The following ATP7B variants were observed in gnomAD, a reference collection of about 807,000 sequenced individuals.
ATP7B encodes the protein ATPase copper transporting beta, also known as copper-transporting ATPase 2.
ATP7B carries 113 observed loss-of-function variants against 118.9 expected under a neutral mutation model. That is an observed-to-expected ratio of 0.95 (90% CI 0.82 to 1.11). The LOEUF is 1.11. Among genes scored for constraint, ATP7B ranks in the 50% most tolerant of loss-of-function variants. ATP7B has a pLI of 0.00. For synonymous variants in ATP7B, 777 were observed against 727.4 expected, an observed-to-expected ratio of 1.07 and a Z score of -1.10; for missense variants, 1,867 against 1,871.4, an observed-to-expected ratio of 1.00 and a Z score of 0.04.
intron 13 of ATP7B, among the ~76,000 whole-genome samples, chr13:51,944,630 G>A (rs1396087995): frequency 6.6e-6 from 1 of 152,130 alleles, no homozygotes; most frequent in African/African-American, 2.4e-5. Context: ...CAGGAGTCAG[G>A]ACCCTGAGGG....
intron 17 of ATP7B, among the ~76,000 whole-genome samples, chr13:51,938,586 T>C (rs753464748): frequency 2.6e-5 from 4 of 152,216 alleles, no homozygotes; most frequent in Non-Finnish European, 4.4e-5. Flanking sequence ...GAGCCGCTGC[T>C]GTGTGAGAAG....
chr13:52,003,692 T>C (rs1002079957), intron 1 of ATP7B, among the ~76,000 whole-genome samples: 2 of 151,116 alleles, frequency 1.3e-5, no homozygotes, highest in African/African-American at 2.4e-5. Context: ...CTGTCACAAG[T>C]AGGCAGTGAC....
rs1011361346 is a variant in ATP7B, at chr13:51,948,167, T to A, written c.2865+1495A>T. 1.1e-4 allele frequency among the ~76,000 whole-genome samples: 17 copies of A among 152,296 alleles called. No homozygotes were observed. The East Asian group carries it at 3.3e-3, about 29-fold the overall frequency. On this transcript the variant is annotated intron_variant, in intron 12 of 20. Coordinates refer to ENST00000242839, the MANE Select transcript of ATP7B (RefSeq NM_000053.4). ...TGGGAAATTTGAGGGAGAAAATACA[T>A]CCTAGTAAATGACATGTGTCCTGAG...
In ATP7B at chr13:51,942,510, T is replaced by C; in HGVS notation, c.3288A>G (p.Ala1096=). 6.2e-7 allele frequency: 1 copy of C among 1,614,204 alleles called. No homozygotes were observed. The highest frequency in any genetic ancestry group is 2.2e-5 in the East Asian group (1 of 44,882). ...TGCACCCAATTCCACAGCCTGGCAC[T>C]GCCTGGAAGTCCGTGCAGTATCCCA... ...ETLGYCTDFQ[A]VPGCGIGCKV... The change falls in exon 15 of 21, where the codon GCA becomes GCG. Residue 1096 remains alanine (A), a synonymous_variant. Transcript: ENST00000242839.
intron 9 of ATP7B, among the ~76,000 whole-genome samples, chr13:51,955,405 G>A (rs1566521056): frequency 6.6e-6 from 1 of 152,200 alleles, no homozygotes; most frequent in Non-Finnish European, 1.5e-5. Flanking sequence ...CCCAAACAGT[G>A]AGCCAAAGGC....
intron 5 of ATP7B, 130 bp from the exon 6 acceptor site, chr13:51,962,043 G>C (rs935864053): frequency 2.2e-5 from 16 of 732,844 alleles, no homozygotes; most frequent in Non-Finnish European, 3.2e-5. Context: ...AGACTTTGTG[G>C]GTTTTCTGCT....
At position 52,011,446 on chromosome 13, in the gene ATP7B, G is replaced by C. The variant is rs1178520010; in HGVS notation, c.-109C>G. ...AGTCCCGGGAGAGGAGGCGCAGAGT[G>C]TGAGGGCATCGGCGCGGCTCGGCTC... On this transcript the variant is annotated 5_prime_UTR_variant, in exon 1 of 21. Coordinates refer to ENST00000242839, the MANE Select transcript of ATP7B (RefSeq NM_000053.4). 1.1e-5 allele frequency: 16 copies of C among 1,451,198 alleles called. No individual in the cohort carries two copies. The highest frequency in any genetic ancestry group is 1.4e-5 in the Non-Finnish European group (15 of 1,046,526). The allele number at this position is 1,451,198 out of a possible 1,614,324, so 89.9% of individuals were successfully genotyped here. A position where few individuals can be genotyped will look rare whatever the true frequency, so the allele number is the denominator to read the frequency against.
At chr13:51,977,504 T>C (rs1215519979) in intron 1 of ATP7B, among the ~76,000 whole-genome samples, 1 of 152,214 alleles carries the variant, frequency 6.6e-6, no homozygotes, top group African/African-American at 2.4e-5. Context: ...ATAACAGGCA[T>C]GGAGCTGTCA....
intron 1 of ATP7B, chr13:51,995,300 G>A: frequency 1.0e-6 from 1 of 985,292 alleles, no homozygotes; most frequent in Non-Finnish European, 1.2e-6. Flanking sequence ...TAGCCCATCT[G>A]CAATTGCACT....
At chr13:51,993,999 A>G (rs1364975663) in intron 1 of ATP7B, among the ~76,000 whole-genome samples, 1 of 152,226 alleles carries the variant, frequency 6.6e-6, no homozygotes, top group Middle Eastern at 3.2e-3. Flanking sequence ...CACACGTCAT[A>G]TCTCAAAACT....
intron 9 of ATP7B, among the ~76,000 whole-genome samples, chr13:51,955,621 C>T (rs1958287171): frequency 6.6e-6 from 1 of 152,216 alleles, no homozygotes; most frequent in Non-Finnish European, 1.5e-5. Context: ...TAGTTCCAAG[C>T]AACTGCAGTC....
intron 3 of ATP7B, among the ~76,000 whole-genome samples, chr13:51,968,861 T>C (rs554346894): frequency 7.3e-6 from 1 of 136,784 alleles, no homozygotes; most frequent in South Asian, 2.3e-4. Context: ...TTTTTCTTTT[T>C]TCTTTTTTTT....
At chr13:51,983,822 G>C (rs141699506) in intron 1 of ATP7B, among the ~76,000 whole-genome samples, 4 of 152,288 alleles carry the variant, frequency 2.6e-5, no homozygotes, top group African/African-American at 9.6e-5. Flanking sequence ...AGAGGGACCT[G>C]ACTGTTAGAA....
Position 51,941,220 on chromosome 13 carries a change from T to G in ATP7B, c.3417A>C (p.Ala1139=), listed in dbSNP as rs769949202. The G allele has an allele frequency of 8.7e-6, 14 of 1,614,024 alleles. No homozygotes were observed. Among genetic ancestry groups the G allele is most frequent in the Non-Finnish European group, 1.2e-5 (14 of 1,180,016 alleles). The change falls in exon 16 of 21, where the codon GCA becomes GCC. Residue 1139 remains alanine, a synonymous_variant. Transcript: ENST00000242839. ...TCAGCACAGAGAAGGTCTGGGGGACTGCATCTATTCAAAAGAGGCTGTGGT... is the reference window on the plus strand; with the variant it reads ...TCAGCACAGAGAAGGTCTGGGGGACGGCATCTATTCAAAAGAGGCTGTGGT... ...EAGSLPAEKD[A]VPQTFSVLIG... is the part of the protein sequence containing the mutation.
At chr13:51,950,435 T>G in intron 9 of ATP7B, 36 bp from the exon 10 acceptor site, 1 of 1,612,442 alleles carries the variant, frequency 6.2e-7, no homozygotes, top group Non-Finnish European at 8.5e-7. Context: ...ACATGGCCAC[T>G]CATTCGGTCA....
In ATP7B at chr13:51,974,840, T is replaced by C; in HGVS notation, c.380A>G (p.Glu127Gly). 6.2e-7 allele frequency: 1 copy of C among 1,614,192 alleles called. No individual in the cohort carries two copies. Among genetic ancestry groups the C allele is most frequent in the South Asian group, 1.1e-5 (1 of 91,084 alleles). Residue 127 changes from glutamate to glycine, a missense_variant, in exon 2 of 21, where the codon GAA (glutamate) becomes GGA (glycine). Physicochemically the swap from Glu to Gly is moderately conservative, Grantham distance 98. Transcript: ENST00000242839. ...GDMGFEASIA[E>G]GKAASWPSRS... is the part of the protein sequence containing the mutation. ...TGAGGGCCAGGAGGCTGCCTTTCCT[T>C]CTGCAATGCTGGCCTCGAAGCCCAT...
At chr13:51,975,993 A>G (rs1390874935) in intron 1 of ATP7B, among the ~76,000 whole-genome samples, 1 of 152,210 alleles carries the variant, frequency 6.6e-6, no homozygotes, top group East Asian at 1.9e-4. Context: ...TACATCACTT[A>G]ATTAAAGAAC....
chr13:51,944,352 A>G (rs1163433373), intron 13 of ATP7B, 61 bp from the exon 14 acceptor site: 11 of 1,598,932 alleles, frequency 6.9e-6, no homozygotes, highest in Non-Finnish European at 9.4e-6. Context: ...CCATAGTCAC[A>G]CTCCTGAGGC....
intron 1 of ATP7B, among the ~76,000 whole-genome samples, chr13:51,994,637 G>C (rs963306403): frequency 6.6e-6 from 1 of 152,156 alleles, no homozygotes; most frequent in African/African-American, 2.4e-5. Context: ...CTCTTGCATA[G>C]CACATTTGAA....
Sources: allele counts gnomAD v4.1 joint callset (sites outside exome capture counted in the v4.1 genomes callset), GRCh38; gene constraint gnomAD v4.1.1; transcripts MANE v1.5; gene names NCBI Gene and HGNC (gene_info 2026-07-23, HGNC 2026-07-21).